The following MCMBP variants were observed in gnomAD, a reference collection of about 807,000 sequenced individuals.
MCMBP encodes minichromosome maintenance complex binding protein.
In MCMBP, 31 loss-of-function variants were observed where a neutral mutation model predicts 81.3. The ratio of observed to expected loss-of-function variants is 0.38; its 90% confidence interval spans 0.29 to 0.51. MCMBP has a LOEUF of 0.51. Ranked by LOEUF, MCMBP falls within the 20% of genes least tolerant of loss-of-function variation. The pLI is 0.87. For missense variants in MCMBP, 645 were observed against 772.1 expected, an observed-to-expected ratio of 0.84 and a Z score of 1.95; for synonymous variants, 267 against 275.9, an observed-to-expected ratio of 0.97 and a Z score of 0.32.
intron 8 of MCMBP, among the ~76,000 whole-genome samples, chr10:119,843,823 G>A (rs933956057): frequency 1.1e-4 from 16 of 151,986 alleles, no homozygotes; most frequent in African/African-American, 3.9e-4. Context: ...CACCATGCCT[G>A]GCTAATTTTT....
Position 119,854,540 on chromosome 10 carries a change from AAAATAAAT to A in MCMBP, c.430-1354_430-1347del, listed in dbSNP as rs138139742. On this transcript the variant is annotated intron_variant, in intron 5 of 15. Coordinates refer to ENST00000369077, the MANE Select transcript of MCMBP (RefSeq NM_001256378.2). ...CAACAAAGGGAGAGACCCTGTCTCA[AAAATAAAT>A]AAATAAATAAATAAATAAATAAATA... 9.1e-3 allele frequency among the ~76,000 whole-genome samples: 1,275 copies of A among 140,718 alleles called. 40 individuals carry two copies. The highest frequency in any genetic ancestry group is 0.069 in the East Asian group (333 of 4,806). The allele number at this position is 140,718 out of a possible 152,430, so 92.3% of individuals were successfully genotyped here.
At position 119,831,404 on chromosome 10, in the gene MCMBP, T is replaced by C; in HGVS notation, c.*70A>G. On this transcript the variant is annotated 3_prime_UTR_variant, in exon 16 of 16. Coordinates refer to ENST00000369077, the MANE Select transcript of MCMBP (RefSeq NM_001256378.2). The stretch of plus-strand genomic sequence containing the variant: ...AAATTACCTATAAAACAATGTGGTA[T>C]AAATGAATATCTGAATTTTACAATT... 1 of 1,574,822 alleles carries C rather than the reference T, an allele frequency of 6.3e-7. No homozygotes were observed. Among genetic ancestry groups the C allele is most frequent in the Non-Finnish European group, 8.7e-7 (1 of 1,152,000 alleles).
At position 119,843,249 on chromosome 10, in the gene MCMBP, C is replaced by T; in HGVS notation, c.1000+5G>A. 6.2e-7 allele frequency: 1 copy of T among 1,613,364 alleles called. No individual in the cohort carries two copies. The highest frequency in any genetic ancestry group is 8.5e-7 in the Non-Finnish European group (1 of 1,179,510). On this transcript the variant is annotated splice_donor_5th_base_variant and intron_variant, in intron 9 of 15. Transcript: ENST00000369077. ...AGTTGACTAGGCTGTAACACTTACA[C>T]TTACAGGTTTTGCTCTCCTCTTTGT...
At chr10:119,844,520 T>A (rs2475320) in intron 8 of MCMBP, among the ~76,000 whole-genome samples, 74,827 of 152,008 alleles carry the variant, frequency 0.49, 18,681 homozygotes, top group East Asian at 0.62. Flanking sequence ...AGCTAGTAAG[T>A]GGCCAAGTCA....
intron 2 of MCMBP, 125 bp downstream of exon 2, chr10:119,859,674 G>A (rs1853182065): frequency 1.6e-6 from 1 of 615,342 alleles, no homozygotes; most frequent in Admixed American, 3.3e-5. Flanking sequence ...TAATACAAAT[G>A]TACTTGAAGC....
intron 1 of MCMBP, among the ~76,000 whole-genome samples, chr10:119,867,693 T>C (rs1002608008): frequency 2.0e-5 from 3 of 152,110 alleles, no homozygotes; most frequent in Non-Finnish European, 4.4e-5. Context: ...TGTGCAGAGA[T>C]TAATGTATCC....
At chr10:119,866,544 T>C (rs189999134) in intron 1 of MCMBP, among the ~76,000 whole-genome samples, 3 of 152,162 alleles carry the variant, frequency 2.0e-5, no homozygotes, top group East Asian at 3.9e-4. Context: ...GAGAATCGCT[T>C]GAACCCGGTA....
intron 1 of MCMBP, among the ~76,000 whole-genome samples, chr10:119,870,859 C>A (rs1853646631): frequency 6.6e-6 from 1 of 152,196 alleles, no homozygotes; most frequent in African/African-American, 2.4e-5. Context: ...AGAAACACAT[C>A]AAGAAACTTC....
rs760237146 is a variant in MCMBP, at chr10:119,843,402, C to T, written c.852G>A (p.Pro284=). ...CCTCTGCTGTGTCTGTGCACTCCAT[C>T]GGATCCAGCAGTGCAGAGGCATCCC... ...DERDASALLD[P]MECTDTAEEQ... Residue 284 remains proline, a synonymous_variant, in exon 9 of 16, where the codon CCG becomes CCA. Transcript: ENST00000369077. 1.4e-5 allele frequency: 23 copies of T among 1,613,802 alleles called. No individual in the cohort carries two copies. The Admixed American group carries it at 1.8e-4, about 13-fold the overall frequency.
chr10:119,868,189 C>T lies in MCMBP; in HGVS notation c.58+4338G>A, dbSNP rs191212943. 3.0e-3 allele frequency among the ~76,000 whole-genome samples: 463 copies of T among 152,256 alleles called. 7 individuals are homozygous for T. Among genetic ancestry groups the T allele is most frequent in the Non-Finnish European group, 1.6e-3 (109 of 68,018 alleles). On this transcript the variant is annotated intron_variant, in intron 1 of 15. Coordinates refer to ENST00000369077, the MANE Select transcript of MCMBP (RefSeq NM_001256378.2). ...CCTGAGATCTCAGCACTCTGGGAGG[C>T]CAAGTGGGGGCAGATCACTTGAGGC... is the stretch of plus-strand genomic sequence containing the variant.
intron 8 of MCMBP, among the ~76,000 whole-genome samples, chr10:119,846,287 T>A (rs751265698): frequency 5.9e-5 from 9 of 152,190 alleles, no homozygotes; most frequent in Non-Finnish European, 1.3e-4. Flanking sequence ...ATATTAACAT[T>A]GAATAAAATC....
intron 1 of MCMBP, among the ~76,000 whole-genome samples, chr10:119,867,693 T>A (rs1002608008): frequency 6.6e-6 from 1 of 152,110 alleles, no homozygotes; most frequent in African/African-American, 2.4e-5. Flanking sequence ...TGTGCAGAGA[T>A]TAATGTATCC....
intron 1 of MCMBP, among the ~76,000 whole-genome samples, 164 bp downstream of exon 1, chr10:119,872,363 G>A (rs1306861084): frequency 6.6e-6 from 1 of 151,990 alleles, no homozygotes; most frequent in Non-Finnish European, 1.5e-5. Context: ...CTGCGACCGG[G>A]GGAGAGGCTG....
At chr10:119,854,837 C>T (rs1482925023) in intron 5 of MCMBP, among the ~76,000 whole-genome samples, 1 of 151,428 alleles carries the variant, frequency 6.6e-6, no homozygotes, top group Non-Finnish European at 1.5e-5. Context: ...ACCTGTAGTC[C>T]CAGCTACTCT....
At chr10:119,844,048 T>C (rs1332405843) in intron 8 of MCMBP, among the ~76,000 whole-genome samples, 2 of 152,228 alleles carry the variant, frequency 1.3e-5, no homozygotes, top group East Asian at 1.9e-4. Flanking sequence ...CAGGTACTCC[T>C]TGAACTATTG....
chr10:119,847,599 G>A lies in MCMBP; in HGVS notation c.827+14C>T. 1 of 1,506,158 alleles carries A rather than the reference G, an allele frequency of 6.6e-7. No homozygotes were observed. The highest frequency in any genetic ancestry group is 9.1e-7 in the Non-Finnish European group (1 of 1,095,130). The allele number at this position is 1,506,158 out of a possible 1,614,324, so 93.3% of individuals were successfully genotyped here. On this transcript the variant is annotated intron_variant, in intron 8 of 15. Transcript: ENST00000369077. ...AAAAATAAAGGAGACCAAAAAAAGA[G>A]CACACAGACTCACCTTTCATCATTA...
At chr10:119,833,486 AAG>A (rs1423923093) in intron 14 of MCMBP, among the ~76,000 whole-genome samples, 1 of 151,860 alleles carries the variant, frequency 6.6e-6, no homozygotes. Context: ...CAAAAAAAAA[AAG>A]AAAGAAAAAA....
chr10:119,831,372 G>A lies in MCMBP; in HGVS notation c.*102C>T. 1 of 1,401,062 alleles carries A rather than the reference G, an allele frequency of 7.1e-7. No homozygotes were observed. The highest frequency in any genetic ancestry group is 9.8e-7 in the Non-Finnish European group (1 of 1,020,092). The allele number at this position is 1,401,062 out of a possible 1,614,324, so 86.8% of individuals were successfully genotyped here. A position where few individuals can be genotyped will look rare whatever the true frequency, so the allele number is the denominator to read the frequency against. On this transcript the variant is annotated 3_prime_UTR_variant, in exon 16 of 16. Coordinates refer to ENST00000369077, the MANE Select transcript of MCMBP (RefSeq NM_001256378.2). ...TGATTTCAGGAAATGTCACTGGTTT[G>A]TGATAGAAATTACCTATAAAACAAT... is the stretch of plus-strand genomic sequence containing the variant.
At chr10:119,837,795 A>C (rs896546307) in intron 12 of MCMBP, among the ~76,000 whole-genome samples, 10 of 152,122 alleles carry the variant, frequency 6.6e-5, no homozygotes, top group Non-Finnish European at 1.5e-4. Flanking sequence ...AACAAAAAAA[A>C]AATTATATTA....
Sources: allele counts gnomAD v4.1 joint callset (sites outside exome capture counted in the v4.1 genomes callset), GRCh38; gene constraint gnomAD v4.1.1; transcripts MANE v1.5; gene names NCBI Gene and HGNC (gene_info 2026-07-23, HGNC 2026-07-21).